MIGA1: variants seen among roughly 807,000 people sequenced by gnomAD.
MIGA1 encodes the protein mitoguardin 1, also known as family with sequence similarity 73, member A.
Under a neutral mutation model 82.0 loss-of-function variants are expected in MIGA1, and 58 were observed. That is an observed-to-expected ratio of 0.71 (90% confidence interval 0.57 to 0.88). The LOEUF is 0.88. Ranked by LOEUF, MIGA1 falls within the 40% of genes least tolerant of loss-of-function variation. MIGA1 has a pLI of 0.00. For synonymous variants in MIGA1, 249 were observed against 253.6 expected (o/e 0.98, Z 0.17); for missense variants, 751 against 749.1 (o/e 1.00, Z -0.03).
At position 77,811,968 on chromosome 1, in the gene MIGA1, C is replaced by A. The variant is rs549621891; in HGVS notation, c.638-1766C>A. Among the ~76,000 whole-genome samples, 36 of 152,266 alleles carry A rather than the reference C, an allele frequency of 2.4e-4. No homozygotes were observed. In the South Asian group the frequency reaches 2.9e-3, roughly 12 times the overall value. On this transcript the variant is annotated intron_variant, in intron 5 of 15. Coordinates refer to ENST00000370791, the MANE Select transcript of MIGA1 (RefSeq NM_198549.4). ...ATGTTTTATGAGGAAGATTCAAAAG[C>A]TATTTTTTGCTACAGAAAATCAAAC... is the stretch of plus-strand genomic sequence containing the variant.
At chr1:77,858,810 G>T in intron 8 of MIGA1, 128 bp from the exon 9 acceptor site, 1 of 587,468 alleles carries the variant, frequency 1.7e-6, no homozygotes. Flanking sequence ...TGTAGAGACA[G>T]GGTCTTACCA....
At chr1:77,859,278 G>A (rs983191504) in intron 9 of MIGA1, 36 bp from the exon 10 acceptor site, 3 of 1,501,416 alleles carry the variant, frequency 2.0e-6, no homozygotes, top group African/African-American at 1.4e-5. Context: ...GATCTTGAAT[G>A]TAGTTTAACA....
intron 7 of MIGA1, among the ~76,000 whole-genome samples, chr1:77,817,955 ATTT>A (rs10676009): frequency 5.1e-4 from 59 of 115,574 alleles, no homozygotes; most frequent in African/African-American, 1.6e-3. Context: ...AGATTGGAAG[ATTT>A]TTTTTTTTTT....
Position 77,813,836 on chromosome 1 carries a change from C to G in MIGA1, c.740C>G (p.Ala247Gly), listed in dbSNP as rs751915558. Reference sequence around the variant, plus strand: ...GCCTGTGGTTCCATTAAACTGGGTGCAGGAGATGCCATTGCTGAAGAAAAT... The same window carrying G: ...GCCTGTGGTTCCATTAAACTGGGTGGAGGAGATGCCATTGCTGAAGAAAAT... Residue 247 changes from alanine to glycine, a missense_variant, in exon 6 of 16, where the codon GCA (alanine) becomes GGA (glycine). Around this residue, in one of 3 missense-constraint regions of MIGA1, gnomAD observed 482 missense variants for 439.4 expected, o/e 1.10. Transcript: ENST00000370791. 1 of 1,613,984 alleles carries G rather than the reference C, an allele frequency of 6.2e-7. No homozygotes were observed. Among genetic ancestry groups the G allele is most frequent in the East Asian group, 2.2e-5 (1 of 44,884 alleles).
chr1:77,801,749 A>G (rs891503109), intron 3 of MIGA1, among the ~76,000 whole-genome samples: 1 of 152,156 alleles, frequency 6.6e-6, no homozygotes, highest in African/African-American at 2.4e-5. Flanking sequence ...CAGTCCACTT[A>G]TATTTGTATT....
At chr1:77,821,793 G>A (rs1570960555) in intron 7 of MIGA1, among the ~76,000 whole-genome samples, 1 of 152,144 alleles carries the variant, frequency 6.6e-6, no homozygotes. Context: ...TTGGTAATGA[G>A]TGCTGTCATT....
At chr1:77,815,820 A>C (rs547384583) in intron 7 of MIGA1, among the ~76,000 whole-genome samples, 47 of 152,248 alleles carry the variant, frequency 3.1e-4, no homozygotes, top group African/African-American at 1.1e-3. Context: ...GCCTTGACCT[A>C]TTGGGCTCAA....
At chr1:77,851,369 A>AT (rs1685042483) in intron 8 of MIGA1, among the ~76,000 whole-genome samples, 2 of 152,216 alleles carry the variant, frequency 1.3e-5, no homozygotes, top group Non-Finnish European at 2.9e-5. Flanking sequence ...AGTAAAAAAA[A>AT]GACCCCCTTT....
At chr1:77,792,334 T>C (rs1367203162) in intron 2 of MIGA1, among the ~76,000 whole-genome samples, 1 of 152,168 alleles carries the variant, frequency 6.6e-6, no homozygotes, top group African/African-American at 2.4e-5. Context: ...TGAGGTAATC[T>C]CCCTGTAGAG....
chr1:77,874,942 A>ATTCGCCGCACTG lies in MIGA1; in HGVS notation c.1778_1789dup (p.Thr596_Glu597insValArgArgThr), dbSNP rs1387817539. 1 of 1,614,164 alleles carries ATTCGCCGCACTG rather than the reference A, an allele frequency of 6.2e-7. No individual in the cohort carries two copies. The highest frequency in any genetic ancestry group is 8.5e-7 in the Non-Finnish European group (1 of 1,180,006). On this transcript the variant is annotated inframe_insertion, in exon 16 of 16. Coordinates refer to ENST00000370791, the MANE Select transcript of MIGA1 (RefSeq NM_198549.4). ...AGCTGAAGACCTCATGCAGTTACTCATTCGCCGCACTGAGCTTTTAATGGC... is the reference window on the plus strand; with the variant it reads ...AGCTGAAGACCTCATGCAGTTACTCATTCGCCGCACTGTTCGCCGCACTGAGCTTTTAATGGC...
rs146850403 is a variant in MIGA1 at position 77,842,975 on chromosome 1, A to G, written c.896-332A>G. Among the ~76,000 whole-genome samples, 83 of 152,350 alleles carry G rather than the reference A, an allele frequency of 5.4e-4. 1 individual carries two copies. The highest frequency in any genetic ancestry group is 2.0e-3 in the African/African-American group (83 of 41,586). On this transcript the variant is annotated intron_variant, in intron 7 of 15. Coordinates refer to ENST00000370791, the MANE Select transcript of MIGA1 (RefSeq NM_198549.4). ...TTTGGGCAAGACCACTTGCAAATAA[A>G]TTGCTCTGTTTCAAACTAGCTGTGA...
chr1:77,878,201 C>A lies in MIGA1; in HGVS notation c.*3137C>A, dbSNP rs570219287. On this transcript the variant is annotated 3_prime_UTR_variant, in exon 16 of 16. Transcript: ENST00000370791. ...CTGAGGTCAGGAGTTTGAGACCAGC[C>A]TGACCAACATGGTGAAACCCCATCT... The A allele has an allele frequency of 2.6e-5, 4 of 152,026 alleles. No homozygotes were observed. The highest frequency in any genetic ancestry group is 4.4e-5 in the Non-Finnish European group (3 of 68,066). 9.4% of individuals were successfully genotyped at this position (152,026 alleles called of 1,614,324 possible). A position where few individuals can be genotyped will look rare whatever the true frequency, so the allele number is the denominator to read the frequency against.
In MIGA1 at chr1:77,815,117, A is replaced by G; in HGVS notation, c.781A>G (p.Ser261Gly). ...TTTTCTCTCCTTGTAGGATATTATT[A>G]GTACTGAATTTATCCATAAACTCGA... is the stretch of plus-strand genomic sequence containing the variant. The change falls in exon 7 of 16, where the codon AGT becomes GGT. Residue 261 changes from serine (S) to glycine (G), a missense_variant. By Grantham distance (56) the Ser-to-Gly change is moderately conservative. This residue lies in a region of MIGA1 where 482 missense variants were observed against 439.4 expected (regional missense o/e 1.10). Transcript: ENST00000370791. 1 of 1,579,202 alleles carries G rather than the reference A, an allele frequency of 6.3e-7. No homozygotes were observed. Among genetic ancestry groups the G allele is most frequent in the Non-Finnish European group, 8.6e-7 (1 of 1,159,512 alleles).
intron 7 of MIGA1, among the ~76,000 whole-genome samples, chr1:77,831,175 T>C (rs1684231278): frequency 6.6e-6 from 1 of 152,158 alleles, no homozygotes; most frequent in African/African-American, 2.4e-5. Context: ...GTTTGGGACA[T>C]ATGGGTTAAT....
At chr1:77,823,320 CAT>C (rs1683901563) in intron 7 of MIGA1, among the ~76,000 whole-genome samples, 1 of 151,776 alleles carries the variant, frequency 6.6e-6, no homozygotes, top group Non-Finnish European at 1.5e-5. Context: ...TTTTGAAAAA[CAT>C]ATAGTATGGT....
chr1:77,864,631 G>A (rs1447192254), intron 13 of MIGA1, among the ~76,000 whole-genome samples: 2 of 152,236 alleles, frequency 1.3e-5, no homozygotes, highest in South Asian at 2.1e-4. Flanking sequence ...AGCCGAGATC[G>A]TGCCGCTGCA....
intron 7 of MIGA1, among the ~76,000 whole-genome samples, chr1:77,842,928 A>G (rs747494118): frequency 2.8e-4 from 42 of 152,236 alleles, no homozygotes; most frequent in Non-Finnish European, 5.6e-4. Context: ...TGAACCTACA[A>G]TGAACCTACA....
rs376760112 is a variant in MIGA1, at chr1:77,843,424, C to T, written c.996+17C>T. 1.9e-6 allele frequency: 3 copies of T among 1,581,686 alleles called. No homozygotes were observed. Among genetic ancestry groups the T allele is most frequent in the East Asian group, 2.2e-5 (1 of 44,640 alleles). On this transcript the variant is annotated intron_variant, in intron 8 of 15. Transcript: ENST00000370791. ...GCAGCAGAGGTAGGACATATGTGTT[C>T]CTAATGAGGATTTCTGTTTCTTTTT...
intron 8 of MIGA1, among the ~76,000 whole-genome samples, chr1:77,852,398 G>T (rs1570997788): frequency 6.6e-6 from 1 of 152,112 alleles, no homozygotes; most frequent in Admixed American, 6.5e-5. Context: ...CTTAAAATAT[G>T]AGGGGAAATG....
Sources: allele counts gnomAD v4.1 joint callset (sites outside exome capture counted in the v4.1 genomes callset), GRCh38; gene constraint gnomAD v4.1.1; regional missense constraint gnomAD v4.1.1; transcripts MANE v1.5; gene names NCBI Gene and HGNC (gene_info 2026-07-23, HGNC 2026-07-21).